The following TAF15 variants were observed in gnomAD, a reference collection of about 807,000 sequenced individuals.
The protein encoded by TAF15 is TATA-box binding protein associated factor 15, also known as TATA-binding protein-associated factor 2N.
Under a neutral mutation model 102.5 loss-of-function variants are expected in TAF15, and 37 were observed. The ratio of observed to expected loss-of-function variants is 0.36; its 90% CI spans 0.28 to 0.47. The LOEUF is 0.47. Among genes scored for constraint, TAF15 ranks in the 20% least tolerant of loss-of-function variants. TAF15 has a pLI of 0.99. For synonymous variants in TAF15, 273 were observed against 259.2 expected (o/e 1.05, Z -0.51); for missense variants, 652 against 760.7 (o/e 0.86, Z 1.68).
chr17:35,834,326 A>G (rs2087443715), intron 8 of TAF15: 2 of 514,372 alleles, frequency 3.9e-6, no homozygotes, highest in Non-Finnish European at 6.8e-6. Context: ...TGATACTAGC[A>G]TAATGCTAAA....
At position 35,815,321 on chromosome 17, in the gene TAF15, G is replaced by A. The variant is rs4251718; in HGVS notation, c.8-2395G>A. Reference sequence around the variant, plus strand: ...ATAATCACAATGAACAGTTGTTTAGGATGCCTTAATCTATAAACTGATTTT... The same window carrying A: ...ATAATCACAATGAACAGTTGTTTAGAATGCCTTAATCTATAAACTGATTTT... On this transcript the variant is annotated intron_variant, in intron 1 of 15. Transcript: ENST00000605844. 3.3e-5 allele frequency among the ~76,000 whole-genome samples: 5 copies of A among 152,272 alleles called. No homozygotes were observed. In the East Asian group the frequency reaches 5.8e-4, roughly 18 times the overall value.
chr17:35,838,219 A>G (rs1242443440), intron 10 of TAF15, among the ~76,000 whole-genome samples: 2 of 152,178 alleles, frequency 1.3e-5, no homozygotes, highest in East Asian at 1.9e-4. Context: ...ACAGTATACT[A>G]TATCATTTTT....
chr17:35,821,864 A>C (rs2087262674), intron 5 of TAF15, among the ~76,000 whole-genome samples: 1 of 152,182 alleles, frequency 6.6e-6, no homozygotes, highest in South Asian at 2.1e-4. Flanking sequence ...ACTGTACTAT[A>C]GGTTCTAAAG....
chr17:35,834,606 T>G lies in TAF15; in HGVS notation c.673+8T>G, dbSNP rs1368834144. The G allele has an allele frequency of 1.9e-6, 3 of 1,613,692 alleles. No homozygotes were observed. In the Admixed American group the frequency reaches 5.0e-5, roughly 27 times the overall value. On this transcript the variant is annotated splice_region_variant and intron_variant, in intron 9 of 15. Transcript: ENST00000605844. ...GACCCAGAACAGATGCTGGTAAGGT[T>G]TATGGTGGTTTGTCACTTTGCCATT...
chr17:35,824,036 A>G, intron 6 of TAF15, 42 bp from the exon 7 acceptor site: 1 of 1,613,910 alleles, frequency 6.2e-7, no homozygotes. Context: ...AAGCTTTAGA[A>G]ATGAGAGTGG....
chr17:35,820,650 C>G (rs561286860), intron 5 of TAF15, among the ~76,000 whole-genome samples: 1 of 151,850 alleles, frequency 6.6e-6, no homozygotes, highest in Admixed American at 6.6e-5. Flanking sequence ...CATTGTTTAG[C>G]TATAAATTGA....
rs769744939 is a variant in TAF15, at chr17:35,844,745, TCGAGGTGGCTATGGAGGAGAC to T, written c.1455_1475del (p.Tyr486_Gly492del). The stretch of plus-strand genomic sequence containing the variant: ...ACCGAGGAGGTGGCTATGGAGGAGA[TCGAGGTGGCTATGGAGGAGAC>T]CGAGGTGGAGGCTATGGTGGAGACC... On this transcript the variant is annotated inframe_deletion, in exon 15 of 16. Transcript: ENST00000605844. 59 of 1,601,996 alleles carry T rather than the reference TCGAGGTGGCTATGGAGGAGAC, an allele frequency of 3.7e-5. No homozygotes were observed. The highest frequency in any genetic ancestry group is 9.7e-5 in the African/African-American group (7 of 71,818).
Position 35,844,457 on chromosome 17 carries a change from T to G in TAF15, c.1178-20T>G. ...TACGTTGTTTCTGCTGGCCTCATTG[T>G]TTGCATTTCTACCTTGCAGATTTCC... On this transcript the variant is annotated intron_variant, in intron 14 of 15. Coordinates refer to ENST00000605844, the MANE Select transcript of TAF15 (RefSeq NM_139215.3). The G allele has an allele frequency of 6.2e-7, 1 of 1,613,444 alleles. No homozygotes were observed. Among genetic ancestry groups the G allele is most frequent in the East Asian group, 2.2e-5 (1 of 44,862 alleles).
At chr17:35,839,634 G>T (rs927672433) in intron 11 of TAF15, among the ~76,000 whole-genome samples, 1 of 151,888 alleles carries the variant, frequency 6.6e-6, no homozygotes, top group Non-Finnish European at 1.5e-5. Flanking sequence ...CGCCCACCTC[G>T]GCCTCCCAAA....
chr17:35,810,881 C>A (rs759960491), intron 1 of TAF15: 1 of 152,112 alleles, frequency 6.6e-6, no homozygotes, highest in Non-Finnish European at 1.5e-5. Context: ...TGAGGGGTGC[C>A]CATCTACTTC....
chr17:35,842,394 A>ATTC lies in TAF15; in HGVS notation c.941_942insTTC (p.Lys314delinsAsnSer). ...AAAGAATTCCATGGCAACATCATTA[A>ATTC]AGTGTCCTTTGCCACTAGAAGACCT... On this transcript the variant is annotated protein_altering_variant, in exon 12 of 16. Transcript: ENST00000605844. The ATTC allele has an allele frequency of 6.2e-7, 1 of 1,614,106 alleles. No individual in the cohort carries two copies.
chr17:35,814,663 G>A (rs2087171756), intron 1 of TAF15, among the ~76,000 whole-genome samples: 3 of 151,812 alleles, frequency 2.0e-5, no homozygotes, highest in South Asian at 4.2e-4. Flanking sequence ...AACTAGCCTG[G>A]TCAACATGGT....
In TAF15 at chr17:35,837,395, TCCTCCCACCTCAG is replaced by T. The variant is rs571452769; in HGVS notation, c.784-1019_784-1007del. ...GTCTTGAGCTCCTGGGCTCAAGTGA[TCCTCCCACCTCAG>T]CCTCCCACCAAGTGCTGGGATTACA... is the stretch of plus-strand genomic sequence containing the variant. On this transcript the variant is annotated intron_variant, in intron 10 of 15. Coordinates refer to ENST00000605844, the MANE Select transcript of TAF15 (RefSeq NM_139215.3). Among the ~76,000 whole-genome samples, 702 of 152,082 alleles carry T rather than the reference TCCTCCCACCTCAG, an allele frequency of 4.6e-3. 4 individuals are homozygous for T. Among genetic ancestry groups the T allele is most frequent in the African/African-American group, 0.016 (653 of 41,500 alleles).
intron 1 of TAF15, chr17:35,817,009 G>A (rs2143749216): frequency 6.6e-6 from 1 of 151,842 alleles, no homozygotes; most frequent in Non-Finnish European, 1.5e-5. Context: ...TTGTAGAGAT[G>A]GGGTTTCGCC....
rs374260700 is a variant in TAF15, at chr17:35,833,490, A to G, written c.606-417A>G. 165 of 161,850 alleles carry G rather than the reference A, an allele frequency of 1.0e-3. 1 individual carries two copies. Among genetic ancestry groups the G allele is most frequent in the African/African-American group, 3.5e-3 (144 of 41,678 alleles). The allele number at this position is 161,850 out of a possible 1,614,324, so 10.0% of individuals were successfully genotyped here. ...TCAAGTTTTTATTCTCTCCCGTTCT[A>G]CCATCAAAATCTTAACCTTGCTTTG... On this transcript the variant is annotated intron_variant, in intron 7 of 15. Transcript: ENST00000605844.
At chr17:35,829,790 G>C (rs745755321) in intron 7 of TAF15, among the ~76,000 whole-genome samples, 1 of 152,042 alleles carries the variant, frequency 6.6e-6, no homozygotes, top group Non-Finnish European at 1.5e-5. Context: ...GTATGCCTTC[G>C]TGTGGGCTGC....
At chr17:35,833,262 G>C (rs2087429183) in intron 7 of TAF15, among the ~76,000 whole-genome samples, 1 of 152,172 alleles carries the variant, frequency 6.6e-6, no homozygotes, top group South Asian at 2.1e-4. Flanking sequence ...CCGTAGCTCT[G>C]ATGTGAAGAG....
intron 7 of TAF15, among the ~76,000 whole-genome samples, chr17:35,832,829 AAGGACCACTGTCCTTGTG>A (rs2087423311): frequency 6.6e-6 from 1 of 152,142 alleles, no homozygotes; most frequent in Non-Finnish European, 1.5e-5. Flanking sequence ...CCATGTTCAC[AAGGACCACTGTCCTTGTG>A]ATTCTAATTT....
intron 14 of TAF15, 35 bp from the exon 15 acceptor site, chr17:35,844,442 C>T (rs761274859): frequency 2.5e-6 from 4 of 1,613,386 alleles, no homozygotes; most frequent in East Asian, 2.2e-5. Context: ...TACGTTGTTT[C>T]TGCTGGCCTC....
Sources: gnomAD v4.1 joint callset for allele counts (sites outside exome capture counted in the v4.1 genomes callset) on GRCh38, gnomAD v4.1.1 for gene constraint, MANE v1.5 for transcripts, NCBI Gene and HGNC (gene_info 2026-07-23, HGNC 2026-07-21) for gene names.